Variants in CFH observed in about 807,000 individuals in gnomAD.
The protein encoded by CFH is H factor 1 (complement).
In CFH, 53 loss-of-function variants were observed where a neutral mutation model predicts 147.3. That is an observed-to-expected ratio of 0.36 (90% confidence interval 0.29 to 0.45). The LOEUF is 0.45. Ranked by LOEUF, CFH falls within the 20% of genes least tolerant of loss-of-function variation. CFH has a pLI of 1.00. For missense variants in CFH, 1,380 were observed against 1,498.0 expected (o/e 0.92, Z 1.30); for synonymous variants, 536 against 489.4 (o/e 1.10, Z -1.26).
intron 9 of CFH, among the ~76,000 whole-genome samples, chr1:196,709,967 G>A (rs1668685573): frequency 6.6e-6 from 1 of 152,006 alleles, no homozygotes; most frequent in South Asian, 2.1e-4. Context: ...CTGTGATCAC[G>A]CTACTGAAAT....
intron 11 of CFH, among the ~76,000 whole-genome samples, chr1:196,721,519 CAT>C (rs1482594614): frequency 6.6e-6 from 1 of 151,922 alleles, no homozygotes; most frequent in Non-Finnish European, 1.5e-5. Flanking sequence ...GTGAGAAAAA[CAT>C]ATATTCTGAG....
At position 196,677,547 on chromosome 1, in the gene CFH, G is replaced by A; in HGVS notation, c.499G>A (p.Glu167Lys). The change falls in exon 5 of 22, where the codon GAA (glutamate) becomes AAA (lysine). Residue 167 changes from glutamate to lysine, a missense_variant. By Grantham distance (56) the Glu-to-Lys change is moderately conservative (BLOSUM62 1). Around this residue, in one of 4 missense-constraint regions of CFH, gnomAD observed 260 missense variants for 263.3 expected, o/e 0.99. Transcript: ENST00000367429. ...IVSSAMEPDR[E>K]YHFGQAVRFV... ...CAGTAGTGCAATGGAACCAGATCGG[G>A]AATACCATTTTGGACAAGCAGTACG... The A allele has an allele frequency of 6.2e-7, 1 of 1,613,218 alleles. No individual in the cohort carries two copies.
chr1:196,668,721 T>G (rs897304536), intron 1 of CFH, among the ~76,000 whole-genome samples: 2 of 152,212 alleles, frequency 1.3e-5, no homozygotes, highest in Non-Finnish European at 2.9e-5. Flanking sequence ...CACCTTCCAC[T>G]ATGATTGTAA....
At chr1:196,672,932 T>C in intron 1 of CFH, 46 bp from the exon 2 acceptor site, 1 of 1,522,408 alleles carries the variant, frequency 6.6e-7, no homozygotes, top group Non-Finnish European at 9.1e-7. Flanking sequence ...ATACTGTACA[T>C]TTAAATAGAC....
intron 15 of CFH, among the ~76,000 whole-genome samples, chr1:196,732,032 AGTT>A (rs1669292158): frequency 6.6e-6 from 1 of 151,878 alleles, no homozygotes; most frequent in African/African-American, 2.4e-5. Flanking sequence ...TTTCTTTCCC[AGTT>A]GTTGAAAGTT....
chr1:196,694,115 T>C (rs1668164754), intron 9 of CFH, among the ~76,000 whole-genome samples: 1 of 151,670 alleles, frequency 6.6e-6, no homozygotes, highest in African/African-American at 2.4e-5. Flanking sequence ...TTGTAAGCCT[T>C]GCATGAATTA....
intron 1 of CFH, among the ~76,000 whole-genome samples, chr1:196,670,935 A>G (rs1401058069): frequency 6.6e-6 from 1 of 152,158 alleles, no homozygotes; most frequent in African/African-American, 2.4e-5. Flanking sequence ...AACATGTTTT[A>G]TAACTTGACT....
At chr1:196,744,101 G>A (rs1351283282) in intron 20 of CFH, among the ~76,000 whole-genome samples, 1 of 151,942 alleles carries the variant, frequency 6.6e-6, no homozygotes, top group Admixed American at 6.6e-5. Flanking sequence ...AATATAAAGA[G>A]ATGAAATAAG....
chr1:196,721,052 A>G (rs1668985920), intron 11 of CFH, among the ~76,000 whole-genome samples: 1 of 151,986 alleles, frequency 6.6e-6, no homozygotes, highest in Non-Finnish European at 1.5e-5. Flanking sequence ...TCTGATGATT[A>G]CTGATATTGA....
chr1:196,699,960 T>C (rs1668402057), intron 9 of CFH, among the ~76,000 whole-genome samples: 1 of 152,180 alleles, frequency 6.6e-6, no homozygotes, highest in East Asian at 1.9e-4. Flanking sequence ...CTAGAATCTT[T>C]GTTCTTTTTC....
chr1:196,653,692 G>C (rs1243510826), intron 1 of CFH, among the ~76,000 whole-genome samples: 1 of 151,952 alleles, frequency 6.6e-6, no homozygotes, highest in Non-Finnish European at 1.5e-5. Context: ...AAACAATAGT[G>C]ATTTAAACAT....
At chr1:196,706,404 G>GA (rs962827194) in intron 9 of CFH, among the ~76,000 whole-genome samples, 197 of 149,250 alleles carry the variant, frequency 1.3e-3, no homozygotes, top group African/African-American at 4.4e-3. Flanking sequence ...TTGGTAGCAA[G>GA]AAAAAAAAAA....
rs757324724 is a variant in CFH, at chr1:196,713,957, T to C, written c.1519+40T>C. 19 of 1,565,316 alleles carry C rather than the reference T, an allele frequency of 1.2e-5. No homozygotes were observed. In the East Asian group the frequency reaches 3.8e-4, roughly 32 times the overall value. ...ATGTTTGTATTGATTATCCAGATGA[T>C]ACACAAAAGTTTACTAACTTTAGTC... On this transcript the variant is annotated intron_variant, in intron 10 of 21. Coordinates refer to ENST00000367429, the MANE Select transcript of CFH (RefSeq NM_000186.4).
At chr1:196,731,541 A>T (rs758205732) in intron 15 of CFH, among the ~76,000 whole-genome samples, 2 of 151,970 alleles carry the variant, frequency 1.3e-5, no homozygotes, top group Non-Finnish European at 2.9e-5. Context: ...CATCACTATT[A>T]CAGTATTAGA....
intron 1 of CFH, among the ~76,000 whole-genome samples, chr1:196,665,948 T>C (rs866976761): frequency 6.6e-6 from 1 of 152,158 alleles, no homozygotes; most frequent in Non-Finnish European, 1.5e-5. Flanking sequence ...TGAGTTTCAA[T>C]TTGAGGTAGT....
chr1:196,714,686 G>T (rs1222180161), intron 10 of CFH, among the ~76,000 whole-genome samples: 77 of 94,314 alleles, frequency 8.2e-4, no homozygotes, highest in Non-Finnish European at 1.3e-3. Flanking sequence ...GAGAGAGAGA[G>T]AGAGAGAGAG....
intron 8 of CFH, among the ~76,000 whole-genome samples, 184 bp downstream of exon 8, chr1:196,689,798 G>T (rs564745996): frequency 6.6e-6 from 1 of 151,908 alleles, no homozygotes; most frequent in Non-Finnish European, 1.5e-5. Flanking sequence ...AATCACAGGA[G>T]AAATAAATAT....
At chr1:196,665,072 A>G (rs1254325698) in intron 1 of CFH, among the ~76,000 whole-genome samples, 1 of 151,534 alleles carries the variant, frequency 6.6e-6, no homozygotes, top group Non-Finnish European at 1.5e-5. Context: ...TTTAATTTTT[A>G]TCTCTTTTAA....
intron 15 of CFH, 84 bp from the exon 16 acceptor site, chr1:196,736,736 AAATT>A (rs1669412477): frequency 1.7e-6 from 1 of 575,962 alleles, no homozygotes; most frequent in Non-Finnish European, 2.4e-6. Context: ...TTAATCATAT[AAATT>A]ATTTTTCATC....
Sources: allele counts gnomAD v4.1 joint callset (sites outside exome capture counted in the v4.1 genomes callset), GRCh38; gene constraint gnomAD v4.1.1; regional missense constraint gnomAD v4.1.1; transcripts MANE v1.5; gene names NCBI Gene and HGNC (gene_info 2026-07-23, HGNC 2026-07-21).